The following LDB2 variants were observed in gnomAD, a reference collection of about 807,000 sequenced individuals.
LDB2 encodes the protein LIM domain-binding protein 2.
LDB2 carries 12 observed loss-of-function variants against 44.3 expected under a neutral mutation model. The observed-to-expected ratio is 0.27, with a 90% CI of 0.17 to 0.44. The LOEUF is 0.44. Ranked by LOEUF, LDB2 falls within the 20% of genes least tolerant of loss-of-function variation. The probability of loss-of-function intolerance (pLI) is 1.00; values close to 1 mark genes in which losing one functional copy is unlikely to be tolerated. For missense variants in LDB2, 344 were observed against 473.5 expected (o/e 0.73, Z 2.54); for synonymous variants, 164 against 174.8 (o/e 0.94, Z 0.49).
chr4:16,867,966 T>C (rs1715259924), intron 1 of LDB2, among the ~76,000 whole-genome samples: 1 of 152,176 alleles, frequency 6.6e-6, no homozygotes, highest in Non-Finnish European at 1.5e-5. Flanking sequence ...ATGAAATCCA[T>C]TTGCTATCCC....
intron 5 of LDB2, among the ~76,000 whole-genome samples, chr4:16,525,178 G>A (rs1727750636): frequency 6.6e-6 from 1 of 152,186 alleles, no homozygotes; most frequent in African/African-American, 2.4e-5. Flanking sequence ...GCTGTGTGCT[G>A]GGGTTTGGGG....
At position 16,729,569 on chromosome 4, in the gene LDB2, C is replaced by T. The variant is rs530172848; in HGVS notation, c.235+29589G>A. On this transcript the variant is annotated intron_variant, in intron 2 of 7. Coordinates refer to ENST00000304523, the MANE Select transcript of LDB2 (RefSeq NM_001290.5). ...CTGCTATATTTCAGGCCGCTTTTATCCTCCAAATCCCCCATCTTTGTTTAA... is the reference window on the plus strand; with the variant it reads ...CTGCTATATTTCAGGCCGCTTTTATTCTCCAAATCCCCCATCTTTGTTTAA... Among the ~76,000 whole-genome samples the T allele has an allele frequency of 2.6e-4, 39 of 152,258 alleles. No homozygotes were observed. The East Asian group carries it at 6.8e-3, about 26-fold the overall frequency.
chr4:16,634,734 A>C (rs866884872), intron 2 of LDB2, among the ~76,000 whole-genome samples: 2 of 152,152 alleles, frequency 1.3e-5, no homozygotes, highest in African/African-American at 4.8e-5. Flanking sequence ...ACAGTGTGGC[A>C]ATTCCTCAGG....
chr4:16,761,498 T>C (rs1254655677), intron 1 of LDB2, among the ~76,000 whole-genome samples: 1 of 152,140 alleles, frequency 6.6e-6, no homozygotes. Context: ...TGGTAACACA[T>C]CATGGCGGAA....
rs377344820 is a variant in LDB2 at position 16,700,022 on chromosome 4, A to AT, written c.235+59135dup. On this transcript the variant is annotated intron_variant, in intron 2 of 7. Transcript: ENST00000304523. ...GGGCCAGATGTGTTTAGGATGTCAG[A>AT]TTTTTTTTCGGATTTTGGAAGGTTT... Among the ~76,000 whole-genome samples the AT allele has an allele frequency of 8.1e-4, 123 of 151,994 alleles. 1 individual carries two copies. Among genetic ancestry groups the AT allele is most frequent in the African/African-American group, 2.8e-3 (116 of 41,454 alleles).
At chr4:16,645,351 A>G (rs967481685) in intron 2 of LDB2, among the ~76,000 whole-genome samples, 1 of 151,430 alleles carries the variant, frequency 6.6e-6, no homozygotes, top group African/African-American at 2.4e-5. Context: ...CCTGGCTAAC[A>G]AGGTGAAACC....
rs147706934 is a variant in LDB2 at position 16,843,685 on chromosome 4, G to A, written c.132+54669C>T. Reference sequence around the variant, plus strand: ...TCCCCAGGCTGGGGTGCAATGGCACGACCTTGGCTCACTGCAACCTCCACC... The same window carrying A: ...TCCCCAGGCTGGGGTGCAATGGCACAACCTTGGCTCACTGCAACCTCCACC... On this transcript the variant is annotated intron_variant, in intron 1 of 7. Transcript: ENST00000304523. 1.6e-4 allele frequency among the ~76,000 whole-genome samples: 25 copies of A among 152,132 alleles called. 1 individual carries two copies. The highest frequency in any genetic ancestry group is 5.5e-4 in the African/African-American group (23 of 41,506).
intron 3 of LDB2, among the ~76,000 whole-genome samples, chr4:16,594,440 G>A (rs1031207124): frequency 2.0e-5 from 3 of 152,124 alleles, no homozygotes; most frequent in African/African-American, 7.2e-5. Context: ...GTCTCTGACT[G>A]ACAACTCTCC....
chr4:16,529,203 A>G (rs1438947531), intron 5 of LDB2, among the ~76,000 whole-genome samples: 3 of 152,024 alleles, frequency 2.0e-5, no homozygotes, highest in Non-Finnish European at 4.4e-5. Flanking sequence ...GACTCAATAG[A>G]TTTGTCCTCC....
intron 3 of LDB2, among the ~76,000 whole-genome samples, chr4:16,591,367 C>A (rs1284608770): frequency 6.6e-6 from 1 of 152,092 alleles, no homozygotes; most frequent in Non-Finnish European, 1.5e-5. Context: ...ACCTTTCTTG[C>A]AGTCAAATTG....
At chr4:16,552,962 A>G (rs1254378210) in intron 5 of LDB2, among the ~76,000 whole-genome samples, 1 of 152,186 alleles carries the variant, frequency 6.6e-6, no homozygotes, top group Non-Finnish European at 1.5e-5. Flanking sequence ...ACCACAGGGC[A>G]GGCCTGAAGT....
At chr4:16,813,684 C>T (rs762074280) in intron 1 of LDB2, among the ~76,000 whole-genome samples, 7 of 152,154 alleles carry the variant, frequency 4.6e-5, no homozygotes, top group Non-Finnish European at 7.3e-5. Flanking sequence ...GTTTAATAAG[C>T]AAGACAGTGA....
At chr4:16,528,574 A>T (rs2152295556) in intron 5 of LDB2, among the ~76,000 whole-genome samples, 1 of 152,350 alleles carries the variant, frequency 6.6e-6, no homozygotes, top group Admixed American at 6.5e-5. Context: ...ACGGTAAGCA[A>T]CCTGAGGGCA....
rs1427885698 is a variant in LDB2, at chr4:16,625,611, C to T, written c.236-29736G>A. On this transcript the variant is annotated intron_variant, in intron 2 of 7. Coordinates refer to ENST00000304523, the MANE Select transcript of LDB2 (RefSeq NM_001290.5). ...TTCCTTGAATATATCAGCTTCTCAA[C>T]TGCGAAAAACACAAATGCAATAAAG... 1.2e-3 allele frequency among the ~76,000 whole-genome samples: 179 copies of T among 152,144 alleles called. 2 individuals are homozygous for T. Among genetic ancestry groups the T allele is most frequent in the Non-Finnish European group, 8.8e-5 (6 of 68,024 alleles).
At chr4:16,580,106 G>A (rs572170289) in intron 5 of LDB2, among the ~76,000 whole-genome samples, 1 of 152,298 alleles carries the variant, frequency 6.6e-6, no homozygotes, top group African/African-American at 2.4e-5. Context: ...TCCAGGCAGT[G>A]GCAGTGAGTC....
intron 1 of LDB2, among the ~76,000 whole-genome samples, chr4:16,872,054 T>C (rs1489625751): frequency 6.6e-6 from 1 of 152,152 alleles, no homozygotes; most frequent in African/African-American, 2.4e-5. Context: ...AAATATTGTA[T>C]ATTTTATTAT....
chr4:16,720,679 A>T (rs917511749), intron 2 of LDB2, among the ~76,000 whole-genome samples: 12 of 152,138 alleles, frequency 7.9e-5, no homozygotes, highest in African/African-American at 2.9e-4. Flanking sequence ...AGCTTTAACC[A>T]TATGCACCAT....
At chr4:16,818,256 C>A (rs1298734512) in intron 1 of LDB2, among the ~76,000 whole-genome samples, 1 of 152,158 alleles carries the variant, frequency 6.6e-6, no homozygotes, top group Non-Finnish European at 1.5e-5. Flanking sequence ...TCCAATGGAT[C>A]AAGGTGAAAG....
intron 2 of LDB2, among the ~76,000 whole-genome samples, chr4:16,694,577 G>A (rs558727725): frequency 2.6e-5 from 4 of 152,230 alleles, no homozygotes; most frequent in Admixed American, 2.6e-4. Context: ...CCCACCTCCT[G>A]CAAGGCCTTC....
Sources: allele counts gnomAD v4.1 joint callset (sites outside exome capture counted in the v4.1 genomes callset), GRCh38; gene constraint gnomAD v4.1.1; transcripts MANE v1.5; gene names NCBI Gene and HGNC (gene_info 2026-07-23, HGNC 2026-07-21).